The following SIGLEC5 variants were observed in gnomAD, a reference collection of about 807,000 sequenced individuals.
SIGLEC5 encodes sialic acid-binding Ig-like lectin 5.
SIGLEC5 carries 34 observed loss-of-function variants against 45.9 expected under a neutral mutation model. The observed-to-expected ratio is 0.74, with a 90% CI of 0.56 to 0.99. The LOEUF is 0.99. SIGLEC5 is among the 50% of genes least tolerant of loss of function. The pLI, the probability that SIGLEC5 is intolerant of heterozygous loss-of-function variation, is 0.00. For missense variants in SIGLEC5, 508 were observed against 629.6 expected (o/e 0.81, Z 2.07); for synonymous variants, 203 against 258.6 (o/e 0.79, Z 2.06).
At position 51,628,830 on chromosome 19, in the gene SIGLEC5, TGTGTGTGC is replaced by T. The variant is rs993237382; in HGVS notation, c.739+200_739+207del. Among the ~76,000 whole-genome samples, 862 of 149,222 alleles carry T rather than the reference TGTGTGTGC, an allele frequency of 5.8e-3. 4 individuals are homozygous for T. The highest frequency in any genetic ancestry group is 0.02 in the African/African-American group (819 of 40,324). On this transcript the variant is annotated intron_variant, in intron 4 of 8. Transcript: ENST00000683636. ...GTATATGCATGTGTGTGTGTGCGTG[TGTGTGTGC>T]GTGTGTGCATGTGTGCGTGTGTATG...
rs1203584970 is a variant in SIGLEC5 at position 51,627,607 on chromosome 19, G to A, written c.1137C>T (p.Gly379=). 1 of 1,613,692 alleles carries A rather than the reference G, an allele frequency of 6.2e-7. No individual in the cohort carries two copies. Among genetic ancestry groups the A allele is most frequent in the South Asian group, 1.1e-5 (1 of 91,074 alleles). Residue 379 remains glycine (G), a synonymous_variant, in exon 6 of 9, where the codon GGC becomes GGT. Transcript: ENST00000683636. ...EKPLEGNSSQ[G]SFKVNSSSAG... Reference sequence around the variant, plus strand: ...CTGAGCTGGAGTTGACCTTGAATGAGCCCTGGCTGCTGTTCCCCTCCAGCG... The same window carrying A: ...CTGAGCTGGAGTTGACCTTGAATGAACCCTGGCTGCTGTTCCCCTCCAGCG...
chr19:51,627,785 T>G, intron 5 of SIGLEC5, 39 bp from the exon 6 acceptor site: 1 of 1,567,570 alleles, frequency 6.4e-7, no homozygotes, highest in African/African-American at 1.4e-5. Context: ...GGGGGCCTCT[T>G]CCTTCTTTAA....
chr19:51,625,549 G>A (rs892704844), intron 8 of SIGLEC5, among the ~76,000 whole-genome samples: 4 of 152,216 alleles, frequency 2.6e-5, no homozygotes, highest in Non-Finnish European at 2.9e-5. Context: ...AAGGTTGGTG[G>A]CCGGGCGCGG....
chr19:51,621,652 G>A (rs1983286552), intron 8 of SIGLEC5: 1 of 152,174 alleles, frequency 6.6e-6, no homozygotes, highest in African/African-American at 2.4e-5. Flanking sequence ...TAATTTTTCA[G>A]ATGGTATCTA....
At chr19:51,628,816 T>TGG (rs923085724) in intron 4 of SIGLEC5, among the ~76,000 whole-genome samples, 1 of 144,924 alleles carries the variant, frequency 6.9e-6, no homozygotes, top group African/African-American at 2.6e-5. Flanking sequence ...TATATGCATG[T>TGG]GTGTGTGTGC....
At chr19:51,614,331 C>T (rs1056245715) in intron 8 of SIGLEC5, among the ~76,000 whole-genome samples, 4 of 152,084 alleles carry the variant, frequency 2.6e-5, no homozygotes, top group Admixed American at 2.0e-4. Context: ...GACAGGGTTT[C>T]GCCACGTTAC....
At chr19:51,618,273 T>C (rs1295755993) in intron 8 of SIGLEC5, among the ~76,000 whole-genome samples, 1 of 151,862 alleles carries the variant, frequency 6.6e-6, no homozygotes, top group African/African-American at 2.4e-5. Flanking sequence ...AACCTGGTTA[T>C]ATACTGTTTA....
rs986566593 is a variant in SIGLEC5, at chr19:51,611,263, A to G, written c.*968T>C. 1.3e-5 allele frequency among the ~76,000 whole-genome samples: 2 copies of G among 152,170 alleles called. No individual in the cohort carries two copies. The highest frequency in any genetic ancestry group is 4.8e-5 in the African/African-American group (2 of 41,430). Reference sequence around the variant, plus strand: ...GCATTTTAAAAAATAAATTAGTTCAATTTTAGAGGAGGGAGAGTATAAGTT... The same window carrying G: ...GCATTTTAAAAAATAAATTAGTTCAGTTTTAGAGGAGGGAGAGTATAAGTT... On this transcript the variant is annotated 3_prime_UTR_variant, in exon 9 of 9. Coordinates refer to ENST00000683636, the MANE Select transcript of SIGLEC5 (RefSeq NM_003830.4).
chr19:51,622,233 G>A (rs1488602497), intron 8 of SIGLEC5, among the ~76,000 whole-genome samples: 8 of 151,826 alleles, frequency 5.3e-5, no homozygotes, highest in East Asian at 3.9e-4. Flanking sequence ...CCAGGTTCAC[G>A]CCATTCTCCT....
At chr19:51,621,029 C>T (rs1168212756) in intron 8 of SIGLEC5, 2 of 152,088 alleles carry the variant, frequency 1.3e-5, no homozygotes, top group Non-Finnish European at 2.9e-5. Flanking sequence ...ATTTAAAATA[C>T]TTCAATTTCT....
chr19:51,627,121 C>T (rs1983508546), intron 7 of SIGLEC5, 28 bp downstream of exon 7: 7 of 1,576,228 alleles, frequency 4.4e-6, no homozygotes, highest in Non-Finnish European at 6.1e-6. Flanking sequence ...AAACACCACC[C>T]TGTACCTTCC....
intron 8 of SIGLEC5, among the ~76,000 whole-genome samples, chr19:51,623,125 T>C (rs1983353259): frequency 6.6e-6 from 1 of 152,340 alleles, no homozygotes; most frequent in East Asian, 1.9e-4. Flanking sequence ...ACTGCATGCC[T>C]CTATTGAAAC....
intron 8 of SIGLEC5, among the ~76,000 whole-genome samples, chr19:51,616,466 A>T (rs1983057138): frequency 6.6e-6 from 1 of 152,212 alleles, no homozygotes. Flanking sequence ...ATATCATAGG[A>T]AGAGCCCAAT....
In SIGLEC5 at chr19:51,629,023, G is replaced by C. The variant is rs754743132; in HGVS notation, c.739+15C>G. ...CAGAGGCAGGTCCCAGCTTCAGAGA[G>C]GAGGTCTTTCCTACCTATGCCGTTC... is the stretch of plus-strand genomic sequence containing the variant. On this transcript the variant is annotated intron_variant, in intron 4 of 8. Transcript: ENST00000683636. The C allele has an allele frequency of 6.2e-7, 1 of 1,612,564 alleles. No individual in the cohort carries two copies. The highest frequency in any genetic ancestry group is 1.7e-5 in the Admixed American group (1 of 59,982).
In SIGLEC5 at chr19:51,619,349, G is replaced by A. The variant is rs537232561; in HGVS notation, c.1464+6683C>T. ...CCCACCTCGGCCTCCCAAAGTGCTG[G>A]GATTACAGGTATGAGCCACCGCACC... On this transcript the variant is annotated intron_variant, in intron 8 of 8. Coordinates refer to ENST00000683636, the MANE Select transcript of SIGLEC5 (RefSeq NM_003830.4). Among the ~76,000 whole-genome samples, 97 of 152,186 alleles carry A rather than the reference G, an allele frequency of 6.4e-4. 1 individual carries two copies. Among genetic ancestry groups the A allele is most frequent in the African/African-American group, 2.2e-3 (93 of 41,514 alleles).
chr19:51,629,271 TACACAC>T lies in SIGLEC5; in HGVS notation c.700+81_700+86del, dbSNP rs72330913. The T allele has an allele frequency of 2.9e-3, 4,153 of 1,435,846 alleles. 3 individuals are homozygous for T. Among genetic ancestry groups the T allele is most frequent in the South Asian group, 5.5e-3 (449 of 81,534 alleles). 88.9% of individuals were successfully genotyped at this position (1,435,846 alleles called of 1,614,324 possible). A position where few individuals can be genotyped will look rare whatever the true frequency, so the allele number is the denominator to read the frequency against. Reference sequence around the variant, plus strand: ...TTGTTTTGTTTCTCTCTGTCTTCCTTACACACACACACACACACACACACACACACA... The same window carrying T: ...TTGTTTTGTTTCTCTCTGTCTTCCTTACACACACACACACACACACACACA... On this transcript the variant is annotated intron_variant, in intron 3 of 8. Coordinates refer to ENST00000683636, the MANE Select transcript of SIGLEC5 (RefSeq NM_003830.4).
chr19:51,614,589 G>A (rs1312446378), intron 8 of SIGLEC5, among the ~76,000 whole-genome samples: 1 of 152,120 alleles, frequency 6.6e-6, no homozygotes, highest in African/African-American at 2.4e-5. Flanking sequence ...TGCAGGCAAA[G>A]GAAGAAATAA....
intron 8 of SIGLEC5, among the ~76,000 whole-genome samples, chr19:51,622,562 A>G (rs1983332154): frequency 6.6e-6 from 1 of 152,254 alleles, no homozygotes; most frequent in Admixed American, 6.5e-5. Flanking sequence ...TTTTGAATTT[A>G]TAGACAGTGA....
At chr19:51,616,713 A>T (rs1273085783) in intron 8 of SIGLEC5, among the ~76,000 whole-genome samples, 1 of 151,934 alleles carries the variant, frequency 6.6e-6, no homozygotes, top group African/African-American at 2.4e-5. Flanking sequence ...GGAGTTCAAG[A>T]TCAGCTTGGC....
Sources: gnomAD v4.1 joint callset for allele counts (sites outside exome capture counted in the v4.1 genomes callset) on GRCh38, gnomAD v4.1.1 for gene constraint, MANE v1.5 for transcripts, NCBI Gene and HGNC (gene_info 2026-07-23, HGNC 2026-07-21) for gene names.